The following HDAC8 variants were observed in gnomAD, a reference collection of about 807,000 sequenced individuals.
The protein encoded by HDAC8 is histone deacetylase-like 1.
Under a neutral mutation model 32.2 loss-of-function variants are expected in HDAC8, and 1 was observed. That is an observed-to-expected ratio of 0.03 (90% confidence interval 0.01 to 0.15). The LOEUF is 0.15. HDAC8 is among the 10% of genes least tolerant of loss of function. The pLI is 1.00. For missense variants in HDAC8, 117 were observed against 300.0 expected (o/e 0.39, Z 4.51); for synonymous variants, 108 against 113.9 (o/e 0.95, Z 0.33).
chrX:72,417,826 A>G (rs2046386464), intron 9 of HDAC8, among the ~76,000 whole-genome samples: 1 of 112,127 alleles, frequency 8.9e-6, no homozygotes, highest in African/African-American at 3.2e-5. Context: ...CTATACTACA[A>G]GGATATAGTA....
intron 7 of HDAC8, among the ~76,000 whole-genome samples, chrX:72,469,789 A>G (rs973612375): frequency 8.9e-6 from 1 of 111,874 alleles, no homozygotes; most frequent in Non-Finnish European, 1.9e-5. Context: ...GAAGAATTAC[A>G]TTTCTTACAG....
intron 4 of HDAC8, among the ~76,000 whole-genome samples, chrX:72,554,924 T>C (rs2051231751): frequency 8.9e-6 from 1 of 112,278 alleles, no homozygotes. Context: ...CCACAGCTGA[T>C]GCGTTCTTGA....
chrX:72,572,001 G>C (rs1219915897), intron 2 of HDAC8, 56 bp downstream of exon 2: 3 of 983,565 alleles, frequency 3.1e-6, no homozygotes, highest in African/African-American at 4.0e-5. Context: ...TGTGAAGCAG[G>C]ATATTAAGGC....
chrX:72,507,155 T>C (rs1431668359), intron 4 of HDAC8, among the ~76,000 whole-genome samples: 1 of 111,042 alleles, frequency 9.0e-6, no homozygotes, highest in Non-Finnish European at 1.9e-5. Flanking sequence ...GGCCAACATT[T>C]CTTTTTTCAT....
At chrX:72,403,961 C>G (rs1238183539) in intron 9 of HDAC8, among the ~76,000 whole-genome samples, 1 of 110,128 alleles carries the variant, frequency 9.1e-6, no homozygotes, top group Non-Finnish European at 1.9e-5. Flanking sequence ...TGCACATGTA[C>G]CCCTTGAATT....
intron 4 of HDAC8, among the ~76,000 whole-genome samples, chrX:72,520,446 G>T (rs1556027953): frequency 8.9e-6 from 1 of 111,800 alleles, no homozygotes; most frequent in East Asian, 2.8e-4. Context: ...AGAATAGTAT[G>T]ACAAGCAATC....
chrX:72,448,369 C>G (rs1348249257), intron 9 of HDAC8, among the ~76,000 whole-genome samples: 1 of 112,055 alleles, frequency 8.9e-6, no homozygotes, highest in Non-Finnish European at 1.9e-5. Context: ...GTTGGGAAAA[C>G]TGGCTAGCCA....
At chrX:72,529,543 C>T (rs782687722) in intron 4 of HDAC8, among the ~76,000 whole-genome samples, 98 of 112,138 alleles carry the variant, frequency 8.7e-4, no homozygotes, top group Non-Finnish European at 1.5e-3. Context: ...CCTGCCCATA[C>T]CTTGATTTTA....
chrX:72,532,220 G>A (rs1166964397), intron 4 of HDAC8, among the ~76,000 whole-genome samples: 3 of 105,990 alleles, frequency 2.8e-5, no homozygotes, highest in Non-Finnish European at 5.8e-5. Context: ...GAATAGCCAG[G>A]ACTATAGGCA....
intron 4 of HDAC8, among the ~76,000 whole-genome samples, chrX:72,526,950 C>G (rs973189445): frequency 3.6e-5 from 4 of 111,444 alleles, no homozygotes; most frequent in African/African-American, 1.3e-4. Context: ...TAGTCTCACC[C>G]CCTGGATTTC....
chrX:72,421,445 G>A (rs1285734934), intron 9 of HDAC8, among the ~76,000 whole-genome samples: 1 of 111,612 alleles, frequency 9.0e-6, no homozygotes, highest in South Asian at 3.8e-4. Context: ...GGGGAAAAAA[G>A]TGAGAACATG....
At chrX:72,569,479 A>G (rs1187540385) in intron 2 of HDAC8, among the ~76,000 whole-genome samples, 1 of 112,373 alleles carries the variant, frequency 8.9e-6, no homozygotes, top group Non-Finnish European at 1.9e-5. Flanking sequence ...AGGATAACAC[A>G]TACAAAAATG....
chrX:72,537,917 C>T (rs1390990343), intron 4 of HDAC8, among the ~76,000 whole-genome samples: 1 of 111,298 alleles, frequency 9.0e-6, no homozygotes, highest in Non-Finnish European at 1.9e-5. Context: ...AAGAAAAATC[C>T]ACTGAATTCT....
At chrX:72,476,339 G>T (rs1050916692) in intron 7 of HDAC8, among the ~76,000 whole-genome samples, 1 of 110,551 alleles carries the variant, frequency 9.0e-6, no homozygotes, top group Non-Finnish European at 1.9e-5. Flanking sequence ...TGGGCAAAGT[G>T]GTAGGCTGGT....
intron 4 of HDAC8, among the ~76,000 whole-genome samples, chrX:72,536,093 G>T (rs1490932722): frequency 2.7e-5 from 3 of 111,561 alleles, no homozygotes; most frequent in African/African-American, 9.8e-5. Flanking sequence ...TCTTCTGTGG[G>T]CTCCTTTTCG....
intron 4 of HDAC8, among the ~76,000 whole-genome samples, chrX:72,533,342 C>G (rs985791725): frequency 8.9e-6 from 1 of 111,901 alleles, no homozygotes; most frequent in African/African-American, 3.2e-5. Context: ...TATTCTGGGT[C>G]CCTTGCATTT....
chrX:72,333,460 G>T (rs781909159), intron 10 of HDAC8, among the ~76,000 whole-genome samples: 1 of 111,563 alleles, frequency 9.0e-6, no homozygotes, highest in Admixed American at 9.5e-5. Flanking sequence ...AGGCTGAGGT[G>T]GATGCATCAC....
intron 4 of HDAC8, among the ~76,000 whole-genome samples, chrX:72,514,831 T>A (rs1345697208): frequency 8.9e-6 from 1 of 111,923 alleles, no homozygotes; most frequent in Non-Finnish European, 1.9e-5. Flanking sequence ...AAATTAGAAT[T>A]TTATTCCACT....
intron 9 of HDAC8, among the ~76,000 whole-genome samples, chrX:72,460,508 A>G (rs2047839528): frequency 9.0e-6 from 1 of 111,591 alleles, no homozygotes. Flanking sequence ...CATACATTAT[A>G]TCTCATTTAA....
Sources: allele counts gnomAD v4.1 joint callset (sites outside exome capture counted in the v4.1 genomes callset), GRCh38; gene constraint gnomAD v4.1.1; transcripts MANE v1.5; gene names NCBI Gene and HGNC (gene_info 2026-07-23, HGNC 2026-07-21).